MAD1L1: variants seen among roughly 807,000 people sequenced by gnomAD.
MAD1L1 encodes the protein mitotic spindle assembly checkpoint protein MAD1.
A neutral mutation model predicts 96.9 loss-of-function variants in MAD1L1; 95 were observed. The ratio of observed to expected loss-of-function variants is 0.98; its 90% CI spans 0.83 to 1.16. The LOEUF is 1.16. MAD1L1 is among the 50% of genes most tolerant of loss of function. The probability of loss-of-function intolerance (pLI) is 0.00; values close to 1 mark genes in which losing one functional copy is unlikely to be tolerated. For missense variants in MAD1L1, 1,007 were observed against 954.4 expected, an observed-to-expected ratio of 1.06 and a Z score of -0.73; for synonymous variants, 473 against 396.6, an observed-to-expected ratio of 1.19 and a Z score of -2.29.
chr7:2,039,763 C>T (rs952206924), intron 12 of MAD1L1, among the ~76,000 whole-genome samples: 16 of 152,100 alleles, frequency 1.1e-4, no homozygotes, highest in Admixed American at 2.0e-4. Flanking sequence ...GATAACAAAT[C>T]GTCTTTGTCA....
intron 12 of MAD1L1, among the ~76,000 whole-genome samples, chr7:2,040,938 T>A (rs1446874461): frequency 6.6e-6 from 1 of 152,216 alleles, no homozygotes; most frequent in Non-Finnish European, 1.5e-5. Context: ...ATGTGTGCCG[T>A]CATAGGGGCT....
At chr7:1,857,523 C>T (rs1784317447) in intron 18 of MAD1L1, among the ~76,000 whole-genome samples, 1 of 152,220 alleles carries the variant, frequency 6.6e-6, no homozygotes, top group East Asian at 1.9e-4. Context: ...AGGACGGTCC[C>T]CTCGCTGCCA....
intron 11 of MAD1L1, among the ~76,000 whole-genome samples, chr7:2,099,028 G>A (rs1194017773): frequency 2.0e-5 from 3 of 152,204 alleles, no homozygotes; most frequent in Non-Finnish European, 4.4e-5. Flanking sequence ...GCATGGACAC[G>A]GAGGCCTCCT....
chr7:2,225,409 C>T lies in MAD1L1; in HGVS notation c.291+1G>A, dbSNP rs1290789947. 1 of 1,612,880 alleles carries T rather than the reference C, an allele frequency of 6.2e-7. No homozygotes were observed. Among genetic ancestry groups the T allele is most frequent in the Non-Finnish European group, 8.5e-7 (1 of 1,179,982 alleles). On this transcript the variant is annotated splice_donor_variant, in intron 4 of 18. Coordinates refer to ENST00000265854, the MANE Select transcript of MAD1L1 (RefSeq NM_001013836.2). LOFTEE classifies it high-confidence loss of function. The stretch of plus-strand genomic sequence containing the variant: ...CCGACCCTCGCCCCGCCTGAACCCA[C>T]CTCGTAGTTCCTGGCACTGGTGCTG...
At position 1,983,092 on chromosome 7, in the gene MAD1L1, GCA is replaced by G. The variant is rs200854960; in HGVS notation, c.1417-2553_1417-2552del. Reference sequence around the variant, plus strand: ...CACTGATACACGTATGCGCGTGCATGCACACACACACACGTGCACACACGCAC... The same window carrying G: ...CACTGATACACGTATGCGCGTGCATGCACACACACACGTGCACACACGCAC... On this transcript the variant is annotated intron_variant, in intron 14 of 18. Transcript: ENST00000265854. Among the ~76,000 whole-genome samples, 200 of 151,302 alleles carry G rather than the reference GCA, an allele frequency of 1.3e-3. 1 individual carries two copies. Among genetic ancestry groups the G allele is most frequent in the South Asian group, 3.5e-3 (17 of 4,798 alleles).
Position 2,218,100 on chromosome 7 carries a change from T to C in MAD1L1, c.597-57A>G. The C allele has an allele frequency of 6.6e-6, 9 of 1,373,378 alleles. No homozygotes were observed. The South Asian group carries it at 9.3e-5, about 14-fold the overall frequency. 85.1% of individuals were successfully genotyped at this position (1,373,378 alleles called of 1,614,324 possible). A position where few individuals can be genotyped will look rare whatever the true frequency, so the allele number is the denominator to read the frequency against. On this transcript the variant is annotated intron_variant, in intron 6 of 18. Transcript: ENST00000265854. The stretch of plus-strand genomic sequence containing the variant: ...ACAGGCATGCGGCAAGGCCAACAAT[T>C]CTCCTCAGCCTGAGACCCGCCCCAG...
At chr7:2,120,026 G>A (rs1441874127) in intron 11 of MAD1L1, among the ~76,000 whole-genome samples, 1 of 152,200 alleles carries the variant, frequency 6.6e-6, no homozygotes, top group Non-Finnish European at 1.5e-5. Context: ...TCCATCCTCA[G>A]ATCAGGCCCT....
intron 11 of MAD1L1, among the ~76,000 whole-genome samples, chr7:2,071,679 C>T (rs528927382): frequency 3.6e-4 from 55 of 152,282 alleles, no homozygotes; most frequent in African/African-American, 1.1e-3. Context: ...TGAGCAGGGG[C>T]GGAGTCAATT....
At chr7:2,023,439 G>A (rs938693321) in intron 12 of MAD1L1, among the ~76,000 whole-genome samples, 1 of 152,012 alleles carries the variant, frequency 6.6e-6, no homozygotes, top group African/African-American at 2.4e-5. Flanking sequence ...ATAACGCATG[G>A]GTCAAAGAAG....
intron 18 of MAD1L1, chr7:1,838,919 G>C: frequency 2.2e-6 from 1 of 460,788 alleles, no homozygotes; most frequent in South Asian, 1.6e-5. Context: ...AGGAGGCTGG[G>C]GACAAGGACA....
intron 11 of MAD1L1, among the ~76,000 whole-genome samples, chr7:2,141,633 C>G (rs1365744436): frequency 6.6e-6 from 1 of 152,182 alleles, no homozygotes; most frequent in African/African-American, 2.4e-5. Context: ...CCCCCCTTCT[C>G]TCTCTCCCTC....
At chr7:2,063,350 T>G (rs1189606076) in intron 12 of MAD1L1, among the ~76,000 whole-genome samples, 2 of 152,200 alleles carry the variant, frequency 1.3e-5, no homozygotes, top group African/African-American at 4.8e-5. Context: ...ATCCCAGGAC[T>G]TAAACAGACA....
rs114735018 is a variant in MAD1L1, at chr7:1,842,021, G to A, written c.1999-25793C>T. 3.2e-3 allele frequency among the ~76,000 whole-genome samples: 491 copies of A among 152,332 alleles called. 4 individuals carry two copies. Among genetic ancestry groups the A allele is most frequent in the African/African-American group, 9.7e-3 (402 of 41,582 alleles). On this transcript the variant is annotated intron_variant, in intron 18 of 18. Transcript: ENST00000265854. ...CTGTGGACGCCACTTACCCTCCGGC[G>A]TCACCATCCGCTGCAAATTGCCTTG...
intron 17 of MAD1L1, among the ~76,000 whole-genome samples, chr7:1,906,856 C>T (rs1046274490): frequency 2.0e-5 from 3 of 152,246 alleles, no homozygotes; most frequent in Admixed American, 6.5e-5. Context: ...ACACACACAG[C>T]GGACGGGACA....
intron 16 of MAD1L1, among the ~76,000 whole-genome samples, chr7:1,954,435 G>A (rs986169963): frequency 1.6e-4 from 24 of 152,116 alleles, no homozygotes; most frequent in Admixed American, 5.9e-4. Flanking sequence ...AGCCAGAAGA[G>A]AACAAAGCGC....
chr7:2,070,563 G>T (rs1221953793), intron 11 of MAD1L1, among the ~76,000 whole-genome samples: 1 of 152,224 alleles, frequency 6.6e-6, no homozygotes, highest in Admixed American at 6.5e-5. Flanking sequence ...GCGGAGGGAG[G>T]GCCCATCCCT....
At chr7:2,218,479 C>T (rs1793412797) in intron 6 of MAD1L1, among the ~76,000 whole-genome samples, 1 of 152,228 alleles carries the variant, frequency 6.6e-6, no homozygotes, top group South Asian at 2.1e-4. Flanking sequence ...TCCAAGTCTG[C>T]AGGAGATGCC....
chr7:2,130,118 G>A (rs1788442040), intron 11 of MAD1L1, among the ~76,000 whole-genome samples: 1 of 152,076 alleles, frequency 6.6e-6, no homozygotes, highest in Non-Finnish European at 1.5e-5. Context: ...ACCTCCACAT[G>A]TCAGGAGGCA....
At chr7:2,021,927 T>C (rs1435046886) in intron 12 of MAD1L1, among the ~76,000 whole-genome samples, 1 of 151,778 alleles carries the variant, frequency 6.6e-6, no homozygotes, top group Non-Finnish European at 1.5e-5. Flanking sequence ...AGCAGAGAAG[T>C]AACAAATAAG....
Sources: allele counts gnomAD v4.1 joint callset (sites outside exome capture counted in the v4.1 genomes callset), GRCh38; gene constraint gnomAD v4.1.1; transcripts MANE v1.5; gene names NCBI Gene and HGNC (gene_info 2026-07-23, HGNC 2026-07-21).